Variants in TFCP2 observed in about 807,000 individuals in gnomAD.
The protein encoded by TFCP2 is transcription factor CP2.
A neutral mutation model predicts 73.4 loss-of-function variants in TFCP2; 33 were observed. The observed-to-expected ratio is 0.45, with a 90% CI of 0.34 to 0.60. The LOEUF (loss-of-function observed/expected upper bound fraction) is 0.60. Ranked by LOEUF, TFCP2 falls within the 20% of genes least tolerant of loss-of-function variation. TFCP2 has a pLI of 0.01. For missense variants in TFCP2, 352 were observed against 604.0 expected, an observed-to-expected ratio of 0.58 and a Z score of 4.37; for synonymous variants, 193 against 211.6, an observed-to-expected ratio of 0.91 and a Z score of 0.76.
chr12:51,145,779 C>T lies in TFCP2; in HGVS notation c.122+26522G>A, dbSNP rs898826449. ...AGCCTCAGCAACATAAGGAGACCCC[C>T]GTCTCCACAAAAAATACAAAAAATT... On this transcript the variant is annotated intron_variant, in intron 1 of 14. Coordinates refer to ENST00000257915, the MANE Select transcript of TFCP2 (RefSeq NM_005653.5). Among the ~76,000 whole-genome samples, 6 of 151,296 alleles carry T rather than the reference C, an allele frequency of 4.0e-5. No individual in the cohort carries two copies. In the East Asian group the frequency reaches 7.8e-4, roughly 20 times the overall value.
Position 51,099,637 on chromosome 12 carries a change from G to A in TFCP2, c.1276+18C>T. On this transcript the variant is annotated intron_variant, in intron 12 of 14. Transcript: ENST00000257915. ...CACCTTTCTTCATATCTGTCCTAGT[G>A]TGTCCAGAACAACCTACCGAAGAAA... 2 of 1,614,042 alleles carry A rather than the reference G, an allele frequency of 1.2e-6. No individual in the cohort carries two copies. Among genetic ancestry groups the A allele is most frequent in the Non-Finnish European group, 1.7e-6 (2 of 1,179,950 alleles).
chr12:51,122,253 C>CTTTTTTTTT (rs11347975), intron 1 of TFCP2, among the ~76,000 whole-genome samples: 2 of 73,178 alleles, frequency 2.7e-5, no homozygotes, highest in East Asian at 3.4e-4. Context: ...TTTTTCTTTT[C>CTTTTTTTTT]TTTTTTTTTT....
Position 51,125,732 on chromosome 12 carries a change from C to T in TFCP2, c.123-6960G>A, listed in dbSNP as rs574056333. Among the ~76,000 whole-genome samples the T allele has an allele frequency of 2.6e-5, 4 of 152,318 alleles. No individual in the cohort carries two copies. In the East Asian group the frequency reaches 7.7e-4, roughly 29 times the overall value. Reference sequence around the variant, plus strand: ...CAGGTTGTTTGCATTCACCAGAATACTCAGCACTATATACACTATGATCAT... The same window carrying T: ...CAGGTTGTTTGCATTCACCAGAATATTCAGCACTATATACACTATGATCAT... On this transcript the variant is annotated intron_variant, in intron 1 of 14. Coordinates refer to ENST00000257915, the MANE Select transcript of TFCP2 (RefSeq NM_005653.5).
chr12:51,153,115 T>A (rs772997465), intron 1 of TFCP2, among the ~76,000 whole-genome samples: 14 of 152,234 alleles, frequency 9.2e-5, no homozygotes, highest in Non-Finnish European at 1.9e-4. Context: ...CAGCAGCTCA[T>A]GTTTGTAATT....
At chr12:51,162,602 T>A (rs1364737035) in intron 1 of TFCP2, among the ~76,000 whole-genome samples, 1 of 152,220 alleles carries the variant, frequency 6.6e-6, no homozygotes, top group Non-Finnish European at 1.5e-5. Context: ...CTCTACTCTC[T>A]TAGCAATGTT....
At chr12:51,142,625 T>A (rs1032803995) in intron 1 of TFCP2, among the ~76,000 whole-genome samples, 1 of 152,154 alleles carries the variant, frequency 6.6e-6, no homozygotes, top group Admixed American at 6.5e-5. Context: ...ATTATCCCAA[T>A]ACATGTACCA....
intron 1 of TFCP2, chr12:51,157,020 T>TCA (rs1941550812): frequency 7.2e-6 from 1 of 138,772 alleles, no homozygotes; most frequent in Non-Finnish European, 1.6e-5. Context: ...TTTTTTTTCT[T>TCA]TTTTTTTTTT....
chr12:51,164,188 G>A (rs1941705770), intron 1 of TFCP2, among the ~76,000 whole-genome samples: 1 of 151,956 alleles, frequency 6.6e-6, no homozygotes, highest in Non-Finnish European at 1.5e-5. Flanking sequence ...CTGGGTAACA[G>A]AGCACGGCCC....
In TFCP2 at chr12:51,121,236, C is replaced by T. The variant is rs545805525; in HGVS notation, c.123-2464G>A. Among the ~76,000 whole-genome samples the T allele has an allele frequency of 2.8e-4, 42 of 151,978 alleles. 1 individual carries two copies. Among genetic ancestry groups the T allele is most frequent in the Admixed American group, 2.0e-4 (3 of 15,264 alleles). ...AGGAGTTTGAGACCAGCCTGGCTAG[C>T]ATGGTAAAACCCCGTCTCCACTAAA... is the stretch of plus-strand genomic sequence containing the variant. On this transcript the variant is annotated intron_variant, in intron 1 of 14. Transcript: ENST00000257915.
intron 1 of TFCP2, among the ~76,000 whole-genome samples, chr12:51,122,447 C>G (rs1259289724): frequency 6.6e-6 from 1 of 151,550 alleles, no homozygotes; most frequent in Non-Finnish European, 1.5e-5. Flanking sequence ...TTAGTAGAGA[C>G]AGGGTTTCAC....
intron 8 of TFCP2, among the ~76,000 whole-genome samples, chr12:51,104,536 GA>G (rs1940183613): frequency 6.6e-6 from 1 of 151,220 alleles, no homozygotes; most frequent in African/African-American, 2.4e-5. Flanking sequence ...GAAAAATTAT[GA>G]AAGAATAATT....
At chr12:51,144,693 T>A (rs1042802028) in intron 1 of TFCP2, among the ~76,000 whole-genome samples, 1 of 152,108 alleles carries the variant, frequency 6.6e-6, no homozygotes, top group African/African-American at 2.4e-5. Flanking sequence ...AAGACTAAAG[T>A]GTGAAAAGCA....
At chr12:51,150,417 C>G (rs574828187) in intron 1 of TFCP2, among the ~76,000 whole-genome samples, 4 of 147,652 alleles carry the variant, frequency 2.7e-5, no homozygotes, top group Non-Finnish European at 6.0e-5. Context: ...GCCTCCATCT[C>G]GAAAAAAAAA....
chr12:51,121,041 A>T lies in TFCP2; in HGVS notation c.123-2269T>A, dbSNP rs199616168. Among the ~76,000 whole-genome samples, 78 of 146,794 alleles carry T rather than the reference A, an allele frequency of 5.3e-4. 1 individual carries two copies. The East Asian group carries it at 0.011, about 21-fold the overall frequency. ...AATTTTCCACAGTAAAGTTTTTTTT[A>T]AAAAAGAAAAAATATATATAGGCCA... On this transcript the variant is annotated intron_variant, in intron 1 of 14. Coordinates refer to ENST00000257915, the MANE Select transcript of TFCP2 (RefSeq NM_005653.5).
intron 1 of TFCP2, among the ~76,000 whole-genome samples, chr12:51,142,101 G>A (rs1047356987): frequency 4.1e-5 from 6 of 145,668 alleles, no homozygotes; most frequent in East Asian, 2.1e-4. Flanking sequence ...TACTCAGGAG[G>A]CTGAAGCAGA....
chr12:51,132,429 TGC>T (rs1376733855), intron 1 of TFCP2, among the ~76,000 whole-genome samples: 11 of 133,594 alleles, frequency 8.2e-5, no homozygotes, highest in Admixed American at 1.8e-4. Flanking sequence ...AGTGCAGTGG[TGC>T]CATCTCGGCT....
intron 1 of TFCP2, chr12:51,124,581 C>G: frequency 2.0e-6 from 1 of 497,008 alleles, no homozygotes; most frequent in Non-Finnish European, 3.9e-6. Context: ...GCAGGGTGGG[C>G]CCTCATGGGG....
chr12:51,127,119 T>C (rs1216822021), intron 1 of TFCP2, among the ~76,000 whole-genome samples: 6 of 152,180 alleles, frequency 3.9e-5, no homozygotes, highest in Non-Finnish European at 7.3e-5. Flanking sequence ...TGGAACCTAA[T>C]CTGAATAAGA....
intron 1 of TFCP2, among the ~76,000 whole-genome samples, chr12:51,127,581 T>G (rs1268655450): frequency 6.6e-6 from 1 of 152,242 alleles, no homozygotes. Context: ...CACTCTTTGA[T>G]GTAAAAGGCG....
Sources: allele counts gnomAD v4.1 joint callset (sites outside exome capture counted in the v4.1 genomes callset), GRCh38; gene constraint gnomAD v4.1.1; transcripts MANE v1.5; gene names NCBI Gene and HGNC (gene_info 2026-07-23, HGNC 2026-07-21).